The following PPARGC1A variants were observed in gnomAD, a reference collection of about 807,000 sequenced individuals.
PPARGC1A encodes the protein PPARG coactivator 1 alpha, also known as peroxisome proliferator-activated receptor gamma coactivator 1-alpha.
Under a neutral mutation model 88.7 loss-of-function variants are expected in PPARGC1A, and 25 were observed. That is an observed-to-expected ratio of 0.28 (90% CI 0.21 to 0.39). PPARGC1A has a LOEUF of 0.39. Ranked by LOEUF, PPARGC1A falls within the 10% of genes least tolerant of loss-of-function variation. PPARGC1A has a pLI of 1.00. For synonymous variants in PPARGC1A, 363 were observed against 355.6 expected (o/e 1.02, Z -0.24); for missense variants, 880 against 968.7 (o/e 0.91, Z 1.22).
chr4:24,286,623 G>A, the PPARGC1A span, among the ~76,000 whole-genome samples: 2 of 152,160 alleles, frequency 1.3e-5, no homozygotes, highest in Non-Finnish European at 2.9e-5. Flanking sequence ...GAGAGAATCT[G>A]GGCTCAGATG....
chr4:24,247,880 C>T, the PPARGC1A span, among the ~76,000 whole-genome samples: 1 of 152,208 alleles, frequency 6.6e-6, no homozygotes, highest in African/African-American at 2.4e-5. Flanking sequence ...GGGGGAAGAA[C>T]TGGTCTTCTG....
At chr4:24,052,146 A>G in the PPARGC1A span, among the ~76,000 whole-genome samples, 2 of 152,200 alleles carry the variant, frequency 1.3e-5, no homozygotes, top group African/African-American at 2.4e-5. Flanking sequence ...CACTACTGCT[A>G]TTATTGAAAA....
At chr4:24,047,098 T>C in the PPARGC1A span, among the ~76,000 whole-genome samples, 1 of 152,218 alleles carries the variant, frequency 6.6e-6, no homozygotes, top group African/African-American at 2.4e-5. Flanking sequence ...TATTCATTCA[T>C]TATCCCTTTC....
At chr4:24,149,689 T>C in the PPARGC1A span, among the ~76,000 whole-genome samples, 1 of 152,150 alleles carries the variant, frequency 6.6e-6, no homozygotes, top group African/African-American at 2.4e-5. Context: ...GACTTGCAAA[T>C]AGAATGGAAA....
the PPARGC1A span, among the ~76,000 whole-genome samples, chr4:24,220,127 C>T: frequency 6.6e-6 from 1 of 152,120 alleles, no homozygotes; most frequent in African/African-American, 2.4e-5. Context: ...AAAAAATGCT[C>T]AATATTACTA....
At chr4:24,353,080 G>A in the PPARGC1A span, among the ~76,000 whole-genome samples, 27 of 152,258 alleles carry the variant, frequency 1.8e-4, no homozygotes, top group East Asian at 3.1e-3. Flanking sequence ...GATTTCAGGG[G>A]CATGTTGCAT....
intron 2 of PPARGC1A, among the ~76,000 whole-genome samples, chr4:23,842,993 C>A (rs761085127): frequency 1.3e-5 from 2 of 151,992 alleles, no homozygotes; most frequent in Non-Finnish European, 2.9e-5. Flanking sequence ...CATTAATGTG[C>A]CTAGTTGTTT....
At chr4:24,001,677 G>A in the PPARGC1A span, among the ~76,000 whole-genome samples, 1 of 152,018 alleles carries the variant, frequency 6.6e-6, no homozygotes, top group African/African-American at 2.4e-5. Flanking sequence ...GCGAAGGTGG[G>A]GTTGGAAAGA....
At chr4:23,862,365 AGG>A (rs1379450368) in intron 2 of PPARGC1A, among the ~76,000 whole-genome samples, 1 of 152,228 alleles carries the variant, frequency 6.6e-6, no homozygotes, top group Admixed American at 6.5e-5. Flanking sequence ...AAATAATTCC[AGG>A]CATTTGGAAA....
chr4:24,241,637 G>A, the PPARGC1A span, among the ~76,000 whole-genome samples: 1 of 152,186 alleles, frequency 6.6e-6, no homozygotes, highest in African/African-American at 2.4e-5. Flanking sequence ...CTACTTTTAT[G>A]AGATGGCTCT....
At chr4:24,347,067 A>C in the PPARGC1A span, among the ~76,000 whole-genome samples, 121 of 152,190 alleles carry the variant, frequency 8.0e-4, 1 homozygote, top group East Asian at 0.017. Flanking sequence ...ATGTATTTGC[A>C]TGGTTTTGAA....
the PPARGC1A span, among the ~76,000 whole-genome samples, chr4:23,938,573 C>A: frequency 1.2e-4 from 18 of 152,104 alleles, no homozygotes; most frequent in Non-Finnish European, 2.1e-4. Flanking sequence ...CTAAAGATGA[C>A]ACGGAGAGCT....
At chr4:24,261,844 A>G in the PPARGC1A span, among the ~76,000 whole-genome samples, 42 of 152,248 alleles carry the variant, frequency 2.8e-4, no homozygotes, top group Non-Finnish European at 4.7e-4. Flanking sequence ...GCCATTATGA[A>G]AGTGTATCCC....
the PPARGC1A span, among the ~76,000 whole-genome samples, chr4:24,400,040 C>T: frequency 6.6e-6 from 1 of 152,262 alleles, no homozygotes; most frequent in East Asian, 1.9e-4. Context: ...CCCGCCTCAG[C>T]CTCCCAAAAT....
At chr4:23,813,660 T>C in intron 8 of PPARGC1A, 30 bp downstream of exon 8, 1 of 1,469,578 alleles carries the variant, frequency 6.8e-7, no homozygotes, top group Non-Finnish European at 9.2e-7. Flanking sequence ...GGAACACCTT[T>C]TGTGTTATTA....
the PPARGC1A span, among the ~76,000 whole-genome samples, chr4:23,967,462 C>A: frequency 3.3e-5 from 5 of 152,238 alleles, no homozygotes; most frequent in Admixed American, 3.3e-4. Flanking sequence ...CGCATGCAGA[C>A]AACAGCAGCT....
the PPARGC1A span, among the ~76,000 whole-genome samples, chr4:24,140,522 G>GATA: frequency 6.6e-6 from 1 of 152,146 alleles, no homozygotes; most frequent in Non-Finnish European, 1.5e-5. Context: ...AGAGGATGAT[G>GATA]ATAATACACT....
At chr4:24,269,195 A>T in the PPARGC1A span, among the ~76,000 whole-genome samples, 1 of 152,188 alleles carries the variant, frequency 6.6e-6, no homozygotes, top group African/African-American at 2.4e-5. Context: ...GTTTTTAGTC[A>T]TTGAAATATC....
chr4:24,234,094 T>C, the PPARGC1A span, among the ~76,000 whole-genome samples: 1 of 152,206 alleles, frequency 6.6e-6, no homozygotes, highest in East Asian at 1.9e-4. Flanking sequence ...TTTGACTGCA[T>C]AATTAGCCCG....
Sources: gnomAD v4.1 joint callset for allele counts (sites outside exome capture counted in the v4.1 genomes callset) on GRCh38, gnomAD v4.1.1 for gene constraint, MANE v1.5 for transcripts, NCBI Gene and HGNC (gene_info 2026-07-23, HGNC 2026-07-21) for gene names.